NKAIN2: variants seen among roughly 807,000 people sequenced by gnomAD.
The protein encoded by NKAIN2 is sodium/potassium-transporting ATPase subunit beta-1-interacting protein 2.
A neutral mutation model predicts 32.6 loss-of-function variants in NKAIN2; 14 were observed. The observed-to-expected ratio is 0.43, with a 90% CI of 0.28 to 0.67. The LOEUF (loss-of-function observed/expected upper bound fraction) is 0.67, where lower values mean the gene tolerates loss of function less well. NKAIN2 is among the 30% of genes least tolerant of loss of function. The probability of loss-of-function intolerance (pLI) is 0.17; values close to 1 mark genes in which losing one functional copy is unlikely to be tolerated. For missense variants in NKAIN2, 198 were observed against 258.3 expected (o/e 0.77, Z 1.60); for synonymous variants, 80 against 87.2 (o/e 0.92, Z 0.46).
intron 3 of NKAIN2, among the ~76,000 whole-genome samples, chr6:124,455,261 C>T (rs1004554886): frequency 2.6e-5 from 4 of 151,986 alleles, no homozygotes; most frequent in Non-Finnish European, 4.4e-5. Context: ...TGTTGATGTG[C>T]GTGCAAAAGT....
intron 1 of NKAIN2, among the ~76,000 whole-genome samples, chr6:124,182,665 G>A (rs1461453838): frequency 6.6e-6 from 1 of 152,152 alleles, no homozygotes; most frequent in Non-Finnish European, 1.5e-5. Flanking sequence ...CATTTTGAGA[G>A]TAGACCTGTC....
Position 124,728,821 on chromosome 6 carries a change from A to G in NKAIN2, c.475-62518A>G, listed in dbSNP as rs1229628461. Among the ~76,000 whole-genome samples the G allele has an allele frequency of 2.0e-5, 3 of 151,878 alleles. No individual in the cohort carries two copies. The East Asian group carries it at 5.8e-4, about 29-fold the overall frequency. ...TTGATAGACCGCTAGCAAGACTAAT[A>G]AAGAAAAAAAGAGAGAAGAATCTAA... On this transcript the variant is annotated intron_variant, in intron 4 of 6. Transcript: ENST00000368417.
intron 3 of NKAIN2, among the ~76,000 whole-genome samples, chr6:124,364,224 G>T (rs1177175354): frequency 1.7e-5 from 2 of 120,172 alleles, no homozygotes; most frequent in African/African-American, 3.3e-5. Flanking sequence ...GCACAGGAAA[G>T]GGTTAAAAAT....
chr6:123,891,056 C>A (rs1773988281), intron 1 of NKAIN2, among the ~76,000 whole-genome samples: 2 of 152,018 alleles, frequency 1.3e-5, no homozygotes, highest in Admixed American at 1.3e-4. Context: ...ATGGATGAAC[C>A]TTGAATACAT....
At chr6:124,040,303 T>C (rs1429714429) in intron 1 of NKAIN2, among the ~76,000 whole-genome samples, 1 of 151,946 alleles carries the variant, frequency 6.6e-6, no homozygotes, top group African/African-American at 2.4e-5. Context: ...TTTTATCTTG[T>C]GTCTTTCTTC....
chr6:124,811,698 G>C (rs915725658), intron 5 of NKAIN2, among the ~76,000 whole-genome samples: 1 of 152,108 alleles, frequency 6.6e-6, no homozygotes, highest in African/African-American at 2.4e-5. Flanking sequence ...AAGGCAAAAA[G>C]AAAATGCACT....
chr6:123,952,212 A>G (rs562927081), intron 1 of NKAIN2, among the ~76,000 whole-genome samples: 1 of 152,074 alleles, frequency 6.6e-6, no homozygotes, highest in Admixed American at 6.6e-5. Context: ...CACTTTGAAT[A>G]TATCATCTCA....
intron 2 of NKAIN2, among the ~76,000 whole-genome samples, chr6:124,314,656 C>T (rs1427642672): frequency 6.6e-6 from 1 of 152,144 alleles, no homozygotes; most frequent in Admixed American, 6.5e-5. Flanking sequence ...ATCAGCCAGT[C>T]AGTAGCTGAA....
intron 1 of NKAIN2, among the ~76,000 whole-genome samples, chr6:124,274,772 A>G (rs1402119685): frequency 6.6e-6 from 1 of 152,104 alleles, no homozygotes; most frequent in East Asian, 1.9e-4. Flanking sequence ...CAGAATGCGG[A>G]CACACTATTC....
chr6:124,254,678 G>A (rs1320490367), intron 1 of NKAIN2, among the ~76,000 whole-genome samples: 2 of 152,002 alleles, frequency 1.3e-5, no homozygotes, highest in African/African-American at 2.4e-5. Flanking sequence ...TCATTAAAAC[G>A]ACACTAAAAT....
chr6:123,824,530 C>G (rs1011580016), intron 1 of NKAIN2, among the ~76,000 whole-genome samples: 1 of 151,908 alleles, frequency 6.6e-6, no homozygotes, highest in Non-Finnish European at 1.5e-5. Flanking sequence ...CCTCACTTGC[C>G]TTTGAGGGCC....
chr6:124,056,706 G>A (rs1458311392), intron 1 of NKAIN2, among the ~76,000 whole-genome samples: 1 of 151,952 alleles, frequency 6.6e-6, no homozygotes, highest in Non-Finnish European at 1.5e-5. Context: ...ATTTGCTATG[G>A]TAAATGAGTT....
At chr6:124,080,959 T>C (rs2114906185) in intron 1 of NKAIN2, among the ~76,000 whole-genome samples, 1 of 152,194 alleles carries the variant, frequency 6.6e-6, no homozygotes. Flanking sequence ...TAGGTATAAA[T>C]CCCACCATAG....
intron 1 of NKAIN2, among the ~76,000 whole-genome samples, chr6:124,097,651 T>C (rs1445637707): frequency 6.6e-6 from 1 of 152,194 alleles, no homozygotes; most frequent in Non-Finnish European, 1.5e-5. Context: ...CGTGCTATAA[T>C]AGATGAGGTC....
chr6:123,994,764 A>G (rs929021741), intron 1 of NKAIN2, among the ~76,000 whole-genome samples: 1 of 152,178 alleles, frequency 6.6e-6, no homozygotes, highest in African/African-American at 2.4e-5. Flanking sequence ...ATATCCCTCC[A>G]TACATATTAC....
chr6:123,853,185 G>A (rs1212411004), intron 1 of NKAIN2, among the ~76,000 whole-genome samples: 1 of 151,978 alleles, frequency 6.6e-6, no homozygotes, highest in African/African-American at 2.4e-5. Context: ...CTTTATCTTG[G>A]AGGAAAAAAA....
intron 2 of NKAIN2, among the ~76,000 whole-genome samples, chr6:124,316,778 G>T (rs1796970762): frequency 6.6e-6 from 1 of 152,052 alleles, no homozygotes; most frequent in Non-Finnish European, 1.5e-5. Flanking sequence ...ATTCTACTCA[G>T]CACCTTCTGG....
chr6:124,676,278 T>C (rs931544772), intron 4 of NKAIN2, among the ~76,000 whole-genome samples: 3 of 152,148 alleles, frequency 2.0e-5, no homozygotes, highest in Non-Finnish European at 4.4e-5. Context: ...TGTGTGTGCT[T>C]GAGAAGAATG....
intron 1 of NKAIN2, among the ~76,000 whole-genome samples, chr6:124,277,144 T>G (rs1280357596): frequency 6.6e-6 from 1 of 152,170 alleles, no homozygotes; most frequent in Non-Finnish European, 1.5e-5. Flanking sequence ...CATTTAATGT[T>G]GTTTTAAGAT....
Sources: gnomAD v4.1 joint callset for allele counts (sites outside exome capture counted in the v4.1 genomes callset) on GRCh38, gnomAD v4.1.1 for gene constraint, MANE v1.5 for transcripts, NCBI Gene and HGNC (gene_info 2026-07-23, HGNC 2026-07-21) for gene names.